CDH23: variants seen among roughly 807,000 people sequenced by gnomAD.
CDH23 encodes the protein cadherin related 23, also known as cadherin-23.
Under a neutral mutation model 317.1 loss-of-function variants are expected in CDH23, and 189 were observed. The ratio of observed to expected loss-of-function variants is 0.60; its 90% confidence interval spans 0.53 to 0.67. The LOEUF (loss-of-function observed/expected upper bound fraction) is 0.67. CDH23 is among the 30% of genes least tolerant of loss of function. CDH23 has a pLI of 0.00. For missense variants in CDH23, 4,401 were observed against 4,592.4 expected, an observed-to-expected ratio of 0.96 and a Z score of 1.20; for synonymous variants, 1,839 against 1,876.8, an observed-to-expected ratio of 0.98 and a Z score of 0.52.
rs190486492 is a variant in CDH23 at position 71,604,138 on chromosome 10, C to T, written c.833-11366C>T. ...GGGAATAACAATAATAATGGAAGGC[C>T]AGGCATGGTGGCTCATGCCTGTAAT... On this transcript the variant is annotated intron_variant, in intron 9 of 69. Transcript: ENST00000224721. Among the ~76,000 whole-genome samples, 330 of 152,190 alleles carry T rather than the reference C, an allele frequency of 2.2e-3. 1 individual carries two copies. Among genetic ancestry groups the T allele is most frequent in the African/African-American group, 7.7e-3 (321 of 41,516 alleles).
rs999485619 is a variant in CDH23 at position 71,457,389 on chromosome 10, C to T, written c.145+10994C>T. 3.1e-4 allele frequency among the ~76,000 whole-genome samples: 47 copies of T among 152,238 alleles called. 1 individual carries two copies. On this transcript the variant is annotated intron_variant, in intron 3 of 69. Coordinates refer to ENST00000224721, the MANE Select transcript of CDH23 (RefSeq NM_022124.6). ...GTTCCAGGCTCAGAGAGAGATCCAG[C>T]AAGCTGCCCAAGGTCCCATAGCCAG...
At chr10:71,433,628 C>T (rs1305236217) in intron 1 of CDH23, among the ~76,000 whole-genome samples, 1 of 151,704 alleles carries the variant, frequency 6.6e-6, no homozygotes, top group Non-Finnish European at 1.5e-5. Flanking sequence ...ATGCCAGACT[C>T]GCCATGTCTC....
At chr10:71,436,155 T>C (rs993373486) in intron 1 of CDH23, among the ~76,000 whole-genome samples, 2 of 152,228 alleles carry the variant, frequency 1.3e-5, no homozygotes, top group African/African-American at 4.8e-5. Context: ...GCTGAGATGG[T>C]CCCTGCTTCC....
intron 9 of CDH23, among the ~76,000 whole-genome samples, chr10:71,600,348 A>T (rs1860135513): frequency 1.3e-5 from 2 of 151,668 alleles, no homozygotes; most frequent in Non-Finnish European, 2.9e-5. Context: ...GCTTTAGGAG[A>T]TAAGCTTTGC....
At chr10:71,792,834 AAAAAAAAAAAAAAAAAAAAT>A (rs1382401625) in intron 47 of CDH23, among the ~76,000 whole-genome samples, 2 of 76,704 alleles carry the variant, frequency 2.6e-5, no homozygotes, top group South Asian at 3.8e-4. Context: ...AAAAAAAAAA[AAAAAAAAAAAAAAAAAAAAT>A]ATATATATAT....
chr10:71,439,765 A>C (rs1287383325), intron 1 of CDH23, 62 bp from the exon 2 acceptor site: 1 of 1,251,172 alleles, frequency 8.0e-7, no homozygotes, highest in Non-Finnish European at 1.1e-6. Context: ...GGAGGGGCTG[A>C]GGAGCAGACC....
At chr10:71,716,151 C>G (rs938587590) in intron 28 of CDH23, 1 of 1,550,446 alleles carries the variant, frequency 6.4e-7, no homozygotes. Flanking sequence ...GGGTCCAGCG[C>G]GGCCGGCTTG....
chr10:71,728,700 C>T (rs765265292), intron 30 of CDH23, among the ~76,000 whole-genome samples: 1 of 152,168 alleles, frequency 6.6e-6, no homozygotes, highest in African/African-American at 2.4e-5. Context: ...AAGTTCCTAC[C>T]GGCCCCAGCT....
chr10:71,568,068 C>T (rs1262692897), intron 7 of CDH23, among the ~76,000 whole-genome samples: 2 of 152,240 alleles, frequency 1.3e-5, no homozygotes, highest in African/African-American at 4.8e-5. Context: ...TGCCCCCAGA[C>T]TTGGCCAAGA....
intron 3 of CDH23, among the ~76,000 whole-genome samples, chr10:71,449,681 G>A (rs949250043): frequency 6.6e-6 from 1 of 152,134 alleles, no homozygotes; most frequent in Non-Finnish European, 1.5e-5. Context: ...TGGGCTACAG[G>A]GTCTATCTAT....
intron 68 of CDH23, 38 bp downstream of exon 68, chr10:71,812,928 G>A (rs1334129788): frequency 6.2e-7 from 1 of 1,607,688 alleles, no homozygotes; most frequent in Non-Finnish European, 8.5e-7. Context: ...CAGTCCCTTG[G>A]CTGAGGTTGG....
chr10:71,811,968 C>A lies in CDH23; in HGVS notation c.9333C>A (p.Phe3111Leu). Residue 3111 changes from phenylalanine to leucine, a missense_variant, in exon 66 of 70, where the codon TTC (phenylalanine) becomes TTA (leucine). Coordinates refer to ENST00000224721, the MANE Select transcript of CDH23 (RefSeq NM_022124.6). The part of the protein sequence containing the change: ...IVAGSAGNRG[F>L]IDIMDMPNTN... ...TTCTCCCTGCAGGGAATCGTGGCTT[C>A]ATCGACATCATGGACATGCCTAACA... 3.1e-6 allele frequency: 5 copies of A among 1,607,194 alleles called. No individual in the cohort carries two copies. Among genetic ancestry groups the A allele is most frequent in the Non-Finnish European group, 4.2e-6 (5 of 1,176,914 alleles).
intron 18 of CDH23, among the ~76,000 whole-genome samples, chr10:71,686,425 G>A (rs1418983268): frequency 6.6e-6 from 1 of 152,046 alleles, no homozygotes; most frequent in East Asian, 1.9e-4. Flanking sequence ...AGAGCCAAGG[G>A]GCAGATTGGA....
At chr10:71,504,273 T>C (rs1310097260) in intron 3 of CDH23, among the ~76,000 whole-genome samples, 1 of 152,216 alleles carries the variant, frequency 6.6e-6, no homozygotes, top group African/African-American at 2.4e-5. Context: ...TGGATTACTC[T>C]AGGTACCTTA....
chr10:71,728,053 G>GT (rs1866894156), intron 30 of CDH23, among the ~76,000 whole-genome samples: 2 of 152,136 alleles, frequency 1.3e-5, no homozygotes, highest in African/African-American at 4.8e-5. Context: ...GCCTGGCCCT[G>GT]TTTTTTCCCC....
At position 71,734,339 on chromosome 10, in the gene CDH23, G is replaced by T. The variant is rs747086873; in HGVS notation, c.4204G>T (p.Val1402Leu). ...CGGCGGCCCCAAGGTGGACTCCACC[G>T]TGGTGAGTGGGACCAGGGTGAGAGT... ...DDGGPKVDST[V>L]KVYITVLDEN... The change falls in exon 33 of 70, where the codon GTG (valine) becomes TTG (leucine). Residue 1402 changes from valine to leucine, a missense_variant and splice_region_variant. Val to Leu is a conservative substitution (Grantham distance 32). Coordinates refer to ENST00000224721, the MANE Select transcript of CDH23 (RefSeq NM_022124.6). 5.0e-6 allele frequency: 8 copies of T among 1,604,464 alleles called. No individual in the cohort carries two copies. Among genetic ancestry groups the T allele is most frequent in the Non-Finnish European group, 6.8e-6 (8 of 1,175,074 alleles).
At chr10:71,807,150 A>T in intron 57 of CDH23, 127 bp from the exon 58 acceptor site, 1 of 1,183,404 alleles carries the variant, frequency 8.5e-7, no homozygotes, top group Non-Finnish European at 1.2e-6. Context: ...GGTTCTACTC[A>T]CCCCATAAGG....
intron 9 of CDH23, among the ~76,000 whole-genome samples, chr10:71,581,585 C>T (rs201800071): frequency 1.1e-4 from 17 of 152,244 alleles, no homozygotes; most frequent in African/African-American, 4.1e-4. Flanking sequence ...TTGCCAAGAA[C>T]AAAGAGGCCT....
At position 71,690,422 on chromosome 10, in the gene CDH23, C is replaced by T. The variant is rs544688102; in HGVS notation, c.2060-46C>T. ...AGGGCTGGGGCCTTGAAGCCAGGGGCCCAGGGTGAGCAGCACCCCCTGCCC... is the reference window on the plus strand; with the variant it reads ...AGGGCTGGGGCCTTGAAGCCAGGGGTCCAGGGTGAGCAGCACCCCCTGCCC... On this transcript the variant is annotated intron_variant, in intron 19 of 69. Transcript: ENST00000224721. 8.5e-5 allele frequency: 123 copies of T among 1,439,140 alleles called. 1 individual carries two copies. The African/African-American group carries it at 1.5e-3, about 18-fold the overall frequency. The allele number at this position is 1,439,140 out of a possible 1,614,324, so 89.1% of individuals were successfully genotyped here.
Sources: allele counts gnomAD v4.1 joint callset (sites outside exome capture counted in the v4.1 genomes callset), GRCh38; gene constraint gnomAD v4.1.1; transcripts MANE v1.5; gene names NCBI Gene and HGNC (gene_info 2026-07-23, HGNC 2026-07-21).